Variants in GPC5 observed in about 807,000 individuals in gnomAD.
GPC5 encodes glypican-5.
Under a neutral mutation model 53.9 loss-of-function variants are expected in GPC5, and 47 were observed. The observed-to-expected ratio is 0.87, with a 90% CI of 0.69 to 1.11. GPC5 has a LOEUF of 1.11. GPC5 is among the 50% of genes most tolerant of loss of function. The pLI is 0.00. For synonymous variants in GPC5, 286 were observed against 263.3 expected (o/e 1.09, Z -0.84); for missense variants, 748 against 713.1 (o/e 1.05, Z -0.56).
intron 7 of GPC5, among the ~76,000 whole-genome samples, chr13:92,355,882 ATTTTT>A (rs57295384): frequency 0.015 from 1,886 of 126,150 alleles, 50 homozygotes; most frequent in African/African-American, 0.052. Context: ...TGACCCTATC[ATTTTT>A]TTTTTTTTTT....
chr13:91,557,036 C>T (rs56253611), intron 2 of GPC5, among the ~76,000 whole-genome samples: 21,611 of 151,870 alleles, frequency 0.14, 2,040 homozygotes, highest in African/African-American at 0.26. Flanking sequence ...TTTGGGTGGA[C>T]GTAGTTTTTA....
intron 7 of GPC5, among the ~76,000 whole-genome samples, chr13:92,248,197 C>T (rs2042666874): frequency 1.1e-5 from 1 of 87,136 alleles, no homozygotes; most frequent in African/African-American, 6.5e-5. Flanking sequence ...GAGGTATGGC[C>T]ATAGGAAAAA....
At chr13:91,603,039 T>A (rs1473625573) in intron 2 of GPC5, among the ~76,000 whole-genome samples, 3 of 152,190 alleles carry the variant, frequency 2.0e-5, no homozygotes, top group Admixed American at 2.0e-4. Flanking sequence ...TTTAGAAACA[T>A]TTTGGCATGA....
chr13:92,079,192 C>T (rs1215530012), intron 6 of GPC5, among the ~76,000 whole-genome samples: 1 of 152,126 alleles, frequency 6.6e-6, no homozygotes, highest in Admixed American at 6.5e-5. Flanking sequence ...GTTGGGATTA[C>T]AGGCACCCGC....
intron 7 of GPC5, among the ~76,000 whole-genome samples, chr13:92,602,791 T>G (rs1594338563): frequency 6.6e-6 from 1 of 152,296 alleles, no homozygotes; most frequent in South Asian, 2.1e-4. Context: ...ATACTCAGAC[T>G]TGATGACTCA....
chr13:91,915,811 A>G (rs1232940051), intron 6 of GPC5, among the ~76,000 whole-genome samples: 1 of 152,166 alleles, frequency 6.6e-6, no homozygotes, highest in African/African-American at 2.4e-5. Flanking sequence ...CTGAAATTTA[A>G]CTTGTCAAGA....
chr13:92,290,701 A>G (rs944925019), intron 7 of GPC5, among the ~76,000 whole-genome samples: 4 of 152,176 alleles, frequency 2.6e-5, no homozygotes, highest in Non-Finnish European at 5.9e-5. Flanking sequence ...CATTGCATAT[A>G]TACATGAGAG....
At chr13:91,769,168 G>A (rs184393640) in intron 5 of GPC5, among the ~76,000 whole-genome samples, 1 of 152,306 alleles carries the variant, frequency 6.6e-6, no homozygotes, top group East Asian at 1.9e-4. Flanking sequence ...TCCAAAGGTG[G>A]TCTGAAGGTA....
intron 7 of GPC5, among the ~76,000 whole-genome samples, chr13:92,373,672 T>C (rs1435197654): frequency 6.6e-6 from 1 of 152,242 alleles, no homozygotes; most frequent in African/African-American, 2.4e-5. Context: ...ACATATCTCA[T>C]GGAAAAATTC....
chr13:91,689,481 A>G lies in GPC5; in HGVS notation c.326-3706A>G, dbSNP rs148023598. Among the ~76,000 whole-genome samples, 628 of 150,896 alleles carry G rather than the reference A, an allele frequency of 4.2e-3. 9 individuals carry two copies. Among genetic ancestry groups the G allele is most frequent in the African/African-American group, 0.015 (607 of 41,456 alleles). ...ACCTTAGCTTACAGTAGTTTATAAT[A>G]AATTTACTTTAAACTTCAATTTTTA... On this transcript the variant is annotated intron_variant, in intron 2 of 7. Coordinates refer to ENST00000377067, the MANE Select transcript of GPC5 (RefSeq NM_004466.6).
At chr13:92,816,823 T>C (rs1877493245) in intron 7 of GPC5, among the ~76,000 whole-genome samples, 1 of 152,016 alleles carries the variant, frequency 6.6e-6, no homozygotes, top group South Asian at 2.1e-4. Flanking sequence ...GCCCTGACTC[T>C]GCCAACATGT....
chr13:92,406,341 A>C (rs1407660732), intron 7 of GPC5, among the ~76,000 whole-genome samples: 1 of 152,238 alleles, frequency 6.6e-6, no homozygotes, highest in African/African-American at 2.4e-5. Context: ...AATCTGTTTC[A>C]AAACAATGTC....
chr13:92,327,242 A>G (rs935624967), intron 7 of GPC5, among the ~76,000 whole-genome samples: 1 of 152,112 alleles, frequency 6.6e-6, no homozygotes, highest in Admixed American at 6.6e-5. Flanking sequence ...TTAATTTGCA[A>G]TGTCCTTGCT....
chr13:92,109,229 G>C (rs1289688005), intron 6 of GPC5, among the ~76,000 whole-genome samples: 3 of 151,684 alleles, frequency 2.0e-5, no homozygotes. Context: ...ACCACACCCA[G>C]TTCCTTTTTA....
chr13:92,265,596 C>T (rs77145959), intron 7 of GPC5, among the ~76,000 whole-genome samples: 2,308 of 152,264 alleles, frequency 0.015, 71 homozygotes, highest in African/African-American at 0.052. Flanking sequence ...TTCCCTACAG[C>T]TGTTCTCTTC....
chr13:91,836,374 G>T (rs896887636), intron 5 of GPC5, among the ~76,000 whole-genome samples: 10 of 151,890 alleles, frequency 6.6e-5, no homozygotes, highest in African/African-American at 2.4e-4. Context: ...AAATTTTCTT[G>T]CTGTATTTCA....
chr13:91,524,556 ATAT>A (rs1439977074), intron 2 of GPC5, among the ~76,000 whole-genome samples: 1 of 152,136 alleles, frequency 6.6e-6, no homozygotes, highest in Non-Finnish European at 1.5e-5. Context: ...GGCATTATTT[ATAT>A]TCTGTTCATA....
intron 6 of GPC5, among the ~76,000 whole-genome samples, chr13:92,059,169 C>T (rs1272495767): frequency 6.6e-6 from 1 of 152,112 alleles, no homozygotes; most frequent in Non-Finnish European, 1.5e-5. Context: ...GCTGTAGCTG[C>T]TCAGAATATG....
At chr13:91,959,115 CAG>C (rs2040102938) in intron 6 of GPC5, among the ~76,000 whole-genome samples, 1 of 141,942 alleles carries the variant, frequency 7.0e-6, no homozygotes, top group South Asian at 2.3e-4. Context: ...AATGATGAAA[CAG>C]AAAGTTGTTT....
Sources: allele counts gnomAD v4.1 joint callset (sites outside exome capture counted in the v4.1 genomes callset), GRCh38; gene constraint gnomAD v4.1.1; transcripts MANE v1.5; gene names NCBI Gene and HGNC (gene_info 2026-07-23, HGNC 2026-07-21).